The following DAAM1 variants were observed in gnomAD, a reference collection of about 807,000 sequenced individuals.
DAAM1 encodes disheveled-associated activator of morphogenesis 1.
In DAAM1, 52 loss-of-function variants were observed where a neutral mutation model predicts 130.0. That is an observed-to-expected ratio of 0.40 (90% CI 0.32 to 0.50). The LOEUF (loss-of-function observed/expected upper bound fraction) is 0.50. Ranked by LOEUF, DAAM1 falls within the 20% of genes least tolerant of loss-of-function variation. The probability of loss-of-function intolerance (pLI) is 0.61; values close to 1 mark genes in which losing one functional copy is unlikely to be tolerated. For synonymous variants in DAAM1, 452 were observed against 444.5 expected (o/e 1.02, Z -0.21); for missense variants, 1,134 against 1,303.8 (o/e 0.87, Z 2.01).
chr14:59,338,237 C>A, intron 15 of DAAM1: 1 of 724,462 alleles, frequency 1.4e-6, no homozygotes, highest in Non-Finnish European at 2.3e-6. Flanking sequence ...TCTTCATCAA[C>A]TCTCATTGAT....
rs1209995167 is a variant in DAAM1 at position 59,268,967 on chromosome 14, A to AT, written c.183+5309dup. ...CGTGACAACTCTATAAATCGTCCTT[A>AT]TTCAAGTAACTTTTTTATGTTAGCA... On this transcript the variant is annotated intron_variant, in intron 2 of 24. Transcript: ENST00000360909. Among the ~76,000 whole-genome samples, 5 of 152,354 alleles carry AT rather than the reference A, an allele frequency of 3.3e-5. No homozygotes were observed. The East Asian group carries it at 5.8e-4, about 18-fold the overall frequency.
At position 59,371,106 on chromosome 14, in the gene DAAM1, AAAC is replaced by A. The variant is rs1341598103; in HGVS notation, c.*2250_*2252del. On this transcript the variant is annotated 3_prime_UTR_variant, in exon 25 of 25. Coordinates refer to ENST00000360909, the MANE Select transcript of DAAM1 (RefSeq NM_001270520.2). ...TGCCATTGTTGAAAAGAAAAAAAAAAAACAAAAAAAAAACCTACTTTTTAGATT... is the reference window on the plus strand; with the variant it reads ...TGCCATTGTTGAAAAGAAAAAAAAAAAAAAAAAAAACCTACTTTTTAGATT... The A allele has an allele frequency of 2.7e-4, 8 of 29,274 alleles. No individual in the cohort carries two copies. In the East Asian group the frequency reaches 0.12, roughly 427 times the overall value. The allele number at this position is 29,274 out of a possible 1,614,324, so 1.8% of individuals were successfully genotyped here.
At chr14:59,317,470 A>C (rs1173478874) in intron 4 of DAAM1, among the ~76,000 whole-genome samples, 3 of 152,138 alleles carry the variant, frequency 2.0e-5, no homozygotes, top group Non-Finnish European at 2.9e-5. Flanking sequence ...AAATCCTGAG[A>C]TATTGTACCT....
intron 1 of DAAM1, among the ~76,000 whole-genome samples, chr14:59,262,914 C>G (rs1037525139): frequency 6.6e-6 from 1 of 152,168 alleles, no homozygotes; most frequent in Non-Finnish European, 1.5e-5. Flanking sequence ...CTTCAGTTAC[C>G]ACAGCCTAAC....
At chr14:59,282,016 A>G (rs1451746555) in intron 2 of DAAM1, among the ~76,000 whole-genome samples, 1 of 152,166 alleles carries the variant, frequency 6.6e-6, no homozygotes, top group East Asian at 1.9e-4. Context: ...AATTAAGTTC[A>G]CAGTGGCTTT....
At chr14:59,316,166 G>C (rs1050090224) in intron 4 of DAAM1, among the ~76,000 whole-genome samples, 3 of 152,126 alleles carry the variant, frequency 2.0e-5, no homozygotes, top group East Asian at 1.9e-4. Context: ...CACACTCATG[G>C]TTTTAAGAGT....
At chr14:59,307,011 G>T (rs1394285204) in intron 3 of DAAM1, among the ~76,000 whole-genome samples, 1 of 152,188 alleles carries the variant, frequency 6.6e-6, no homozygotes, top group African/African-American at 2.4e-5. Context: ...TATTAGTCAT[G>T]CAGTGTGGCC....
At chr14:59,233,955 A>G (rs2139449259) in intron 1 of DAAM1, among the ~76,000 whole-genome samples, 1 of 152,130 alleles carries the variant, frequency 6.6e-6, no homozygotes, top group East Asian at 1.9e-4. Context: ...GTGTGGCATT[A>G]TTTCTGAGGT....
intron 1 of DAAM1, among the ~76,000 whole-genome samples, chr14:59,193,161 A>G (rs1434916258): frequency 6.6e-6 from 1 of 152,264 alleles, no homozygotes; most frequent in Non-Finnish European, 1.5e-5. Context: ...CTATTTCTGT[A>G]TGTGGCTTGG....
Position 59,365,709 on chromosome 14 carries a change from C to A in DAAM1, c.2827-1720C>A, listed in dbSNP as rs572789735. ...AAAGGCAAGTAAAGCAATAAAAAAA[C>A]CAATTATAAGCTGTTTGGGGGCACT... On this transcript the variant is annotated intron_variant, in intron 23 of 24. Transcript: ENST00000360909. 7.6e-4 allele frequency among the ~76,000 whole-genome samples: 115 copies of A among 152,022 alleles called. 1 individual carries two copies. The highest frequency in any genetic ancestry group is 2.3e-3 in the African/African-American group (95 of 41,470).
chr14:59,356,747 C>T (rs1312737885), intron 20 of DAAM1, among the ~76,000 whole-genome samples: 3 of 152,254 alleles, frequency 2.0e-5, no homozygotes, highest in African/African-American at 7.2e-5. Context: ...CAATACTTAC[C>T]AATAACCTGG....
chr14:59,212,402 A>G (rs1290613121), intron 1 of DAAM1, among the ~76,000 whole-genome samples: 6 of 152,360 alleles, frequency 3.9e-5, no homozygotes, highest in South Asian at 2.1e-4. Flanking sequence ...TTTGAAGCAC[A>G]TATTATGGCT....
chr14:59,241,291 G>T (rs1253862271), intron 1 of DAAM1, among the ~76,000 whole-genome samples: 1 of 152,200 alleles, frequency 6.6e-6, no homozygotes, highest in African/African-American at 2.4e-5. Context: ...TCTGCAAAGT[G>T]TTGGGAAAAC....
At chr14:59,258,729 G>C in intron 1 of DAAM1, among the ~76,000 whole-genome samples, 1 of 152,148 alleles carries the variant, frequency 6.6e-6, no homozygotes, top group Non-Finnish European at 1.5e-5. Context: ...ATGGATGCCT[G>C]TTGGAAATCT....
rs1885214611 is a variant in DAAM1 at position 59,326,622 on chromosome 14, CT to C, written c.1290del (p.Phe430LeufsTer26). 6.2e-7 allele frequency: 1 copy of C among 1,613,014 alleles called. No homozygotes were observed. The highest frequency in any genetic ancestry group is 1.3e-5 in the African/African-American group (1 of 74,800). ...QDPDSTPLENFNIKNVVRMLV... is the reference protein window; with the variant it reads ...QDPDSTPLENXNIKNVVRMLV... ...ACCCTGACTCCACACCTTTGGAAAACTTTAATATTAAGAATGTCGTACGAAT... is the reference window on the plus strand; with the variant it reads ...ACCCTGACTCCACACCTTTGGAAAACTTAATATTAAGAATGTCGTACGAAT... On this transcript the variant is annotated frameshift_variant, in exon 11 of 25. Coordinates refer to ENST00000360909, the MANE Select transcript of DAAM1 (RefSeq NM_001270520.2). LOFTEE classifies it high-confidence loss of function.
chr14:59,237,358 G>C (rs978438593), intron 1 of DAAM1, among the ~76,000 whole-genome samples: 2 of 152,152 alleles, frequency 1.3e-5, no homozygotes, highest in Non-Finnish European at 2.9e-5. Flanking sequence ...TACTGATCAA[G>C]CACTTAAGTA....
chr14:59,253,501 G>A (rs1445163842), intron 1 of DAAM1, among the ~76,000 whole-genome samples: 2 of 152,212 alleles, frequency 1.3e-5, no homozygotes, highest in East Asian at 3.8e-4. Context: ...AAGGTAATTA[G>A]TGAGTTTTAA....
At chr14:59,270,789 C>G (rs773641260) in intron 2 of DAAM1, among the ~76,000 whole-genome samples, 15 of 152,164 alleles carry the variant, frequency 9.9e-5, no homozygotes, top group Non-Finnish European at 2.2e-4. Flanking sequence ...GGTATTGGAA[C>G]TGGGGTGTCT....
chr14:59,277,633 T>A (rs1299378129), intron 2 of DAAM1, among the ~76,000 whole-genome samples: 1 of 152,136 alleles, frequency 6.6e-6, no homozygotes, highest in African/African-American at 2.4e-5. Context: ...TGATGCTTGA[T>A]GCAAAGGTTT....
Sources: gnomAD v4.1 joint callset for allele counts (sites outside exome capture counted in the v4.1 genomes callset) on GRCh38, gnomAD v4.1.1 for gene constraint, MANE v1.5 for transcripts, NCBI Gene and HGNC (gene_info 2026-07-23, HGNC 2026-07-21) for gene names.